SBF2: variants seen among roughly 807,000 people sequenced by gnomAD.
The protein encoded by SBF2 is SET binding factor 2.
Under a neutral mutation model 225.2 loss-of-function variants are expected in SBF2, and 112 were observed. The ratio of observed to expected loss-of-function variants is 0.50; its 90% confidence interval spans 0.43 to 0.58. The LOEUF (loss-of-function observed/expected upper bound fraction) is 0.58, where lower values mean the gene tolerates loss of function less well. Among genes scored for constraint, SBF2 ranks in the 20% least tolerant of loss-of-function variants. The pLI is 0.00. For synonymous variants in SBF2, 763 were observed against 773.3 expected (o/e 0.99, Z 0.22); for missense variants, 1,996 against 2,206.2 (o/e 0.90, Z 1.91).
chr11:9,828,208 C>T (rs750515681), intron 28 of SBF2: 3 of 1,289,538 alleles, frequency 2.3e-6, no homozygotes, highest in Middle Eastern at 4.3e-4. Context: ...TTCTTGAAGT[C>T]CTCCTTTCAG....
intron 6 of SBF2, among the ~76,000 whole-genome samples, chr11:10,017,950 C>T (rs1179307742): frequency 6.6e-6 from 1 of 152,124 alleles, no homozygotes; most frequent in African/African-American, 2.4e-5. Context: ...TTCCAACCTT[C>T]AATGACCCAA....
At chr11:10,196,866 A>ATATATATATATATATATTTTTT in intron 1 of SBF2, among the ~76,000 whole-genome samples, 10 of 99,308 alleles carry the variant, frequency 1.0e-4, no homozygotes, top group South Asian at 3.5e-4. Flanking sequence ...ATATATATAT[A>ATATATATATATATATATTTTTT]TTTTTTTTTT....
intron 2 of SBF2, among the ~76,000 whole-genome samples, chr11:10,153,738 G>A (rs1016013485): frequency 6.6e-6 from 1 of 151,988 alleles, no homozygotes; most frequent in African/African-American, 2.4e-5. Flanking sequence ...AGCTGGTCTT[G>A]AAAAGATCAA....
intron 38 of SBF2, chr11:9,782,900 A>G (rs959551339): frequency 6.6e-6 from 1 of 152,036 alleles, no homozygotes; most frequent in Non-Finnish European, 1.5e-5. Flanking sequence ...GAAAAAAGGA[A>G]AAAAGTCAAA....
intron 1 of SBF2, among the ~76,000 whole-genome samples, chr11:10,227,110 G>C (rs1958601015): frequency 6.6e-6 from 1 of 152,126 alleles, no homozygotes; most frequent in African/African-American, 2.4e-5. Context: ...TTTTTTGGCT[G>C]CATAAATGTC....
intron 2 of SBF2, among the ~76,000 whole-genome samples, chr11:10,114,244 A>G (rs906406889): frequency 1.3e-5 from 2 of 152,210 alleles, no homozygotes; most frequent in Non-Finnish European, 2.9e-5. Context: ...AATGTGATGT[A>G]TTATTTTTAA....
At chr11:10,177,594 T>A (rs1956526832) in intron 2 of SBF2, among the ~76,000 whole-genome samples, 2 of 149,358 alleles carry the variant, frequency 1.3e-5, no homozygotes, top group South Asian at 2.1e-4. Context: ...CATTCACAAT[T>A]GCTTCAAAGA....
At chr11:10,241,480 C>T (rs1478245151) in intron 1 of SBF2, among the ~76,000 whole-genome samples, 1 of 151,460 alleles carries the variant, frequency 6.6e-6, no homozygotes, top group Non-Finnish European at 1.5e-5. Context: ...ATTTTTAATA[C>T]AAAAAAATAT....
chr11:10,160,604 A>C (rs2135206722), intron 2 of SBF2, among the ~76,000 whole-genome samples: 1 of 152,184 alleles, frequency 6.6e-6, no homozygotes, highest in Non-Finnish European at 1.5e-5. Flanking sequence ...TTCTTTATAC[A>C]CCTTTCTGTA....
intron 1 of SBF2, among the ~76,000 whole-genome samples, chr11:10,214,742 C>T (rs758699607): frequency 3.0e-4 from 46 of 152,170 alleles, no homozygotes; most frequent in Non-Finnish European, 5.3e-4. Context: ...TCCCAGGTAA[C>T]CACAGATGAA....
chr11:9,875,315 T>C (rs1270596681), intron 17 of SBF2, among the ~76,000 whole-genome samples: 1 of 152,100 alleles, frequency 6.6e-6, no homozygotes, highest in African/African-American at 2.4e-5. Flanking sequence ...CTGCAGATGG[T>C]TTTCAAGCTC....
chr11:10,060,679 C>T (rs572923372), intron 2 of SBF2, among the ~76,000 whole-genome samples: 1 of 152,102 alleles, frequency 6.6e-6, no homozygotes, highest in African/African-American at 2.4e-5. Context: ...AAAGCTAACC[C>T]ACCATGACCA....
At chr11:10,150,053 C>T (rs1162622989) in intron 2 of SBF2, among the ~76,000 whole-genome samples, 1 of 152,094 alleles carries the variant, frequency 6.6e-6, no homozygotes, top group East Asian at 1.9e-4. Context: ...AACAGTATGC[C>T]ACAGAAGAGA....
chr11:9,900,024 T>C (rs895944347), intron 16 of SBF2, among the ~76,000 whole-genome samples: 2 of 126,976 alleles, frequency 1.6e-5, no homozygotes, highest in African/African-American at 3.6e-5. Context: ...GGTTTTCCTT[T>C]TCTTCTTTTT....
intron 2 of SBF2, among the ~76,000 whole-genome samples, chr11:10,084,205 A>T (rs1374769055): frequency 6.6e-6 from 1 of 152,196 alleles, no homozygotes; most frequent in African/African-American, 2.4e-5. Context: ...GTTTGCCTAC[A>T]TAACAAACCT....
chr11:10,032,114 C>T (rs908728113), intron 3 of SBF2, among the ~76,000 whole-genome samples: 5 of 152,088 alleles, frequency 3.3e-5, no homozygotes, highest in Non-Finnish European at 4.4e-5. Context: ...TTAAAAATGG[C>T]TAAATGGCAA....
intron 6 of SBF2, among the ~76,000 whole-genome samples, chr11:10,008,035 C>T (rs890161015): frequency 1.1e-4 from 16 of 152,172 alleles, no homozygotes; most frequent in African/African-American, 3.4e-4. Context: ...ATGGAGGTGG[C>T]CCAACAATTT....
At chr11:9,844,006 C>T (rs1309048852) in intron 24 of SBF2, 1 of 152,180 alleles carries the variant, frequency 6.6e-6, no homozygotes, top group Non-Finnish European at 1.5e-5. Context: ...GCTGATATAA[C>T]AGGCTTGATA....
At chr11:9,833,829 G>A (rs1855567520) in intron 26 of SBF2, among the ~76,000 whole-genome samples, 1 of 144,190 alleles carries the variant, frequency 6.9e-6, no homozygotes, top group African/African-American at 2.6e-5. Flanking sequence ...GGAGTGCAAT[G>A]GCGTGATCTC....
Sources: allele counts gnomAD v4.1 joint callset (sites outside exome capture counted in the v4.1 genomes callset), GRCh38; gene constraint gnomAD v4.1.1; transcripts MANE v1.5; gene names NCBI Gene and HGNC (gene_info 2026-07-23, HGNC 2026-07-21).